The following ABTB3 variants were observed in gnomAD, a reference collection of about 807,000 sequenced individuals.
The protein encoded by ABTB3 is ankyrin repeat and BTB domain containing 3, also known as ankyrin repeat- and BTB/POZ domain-containing protein 3.
the ABTB3 span, among the ~76,000 whole-genome samples, chr12:107,464,632 G>T: frequency 6.6e-6 from 1 of 152,188 alleles, no homozygotes; most frequent in African/African-American, 2.4e-5. Flanking sequence ...TTGACCAGAG[G>T]CCTGAAAACA....
the ABTB3 span, among the ~76,000 whole-genome samples, chr12:107,581,601 C>T: frequency 6.6e-6 from 1 of 152,224 alleles, no homozygotes; most frequent in African/African-American, 2.4e-5. Flanking sequence ...CCCTCTCTTT[C>T]TCTCTCCTCC....
the ABTB3 span, among the ~76,000 whole-genome samples, chr12:107,629,943 C>T: frequency 2.0e-5 from 3 of 152,094 alleles, no homozygotes; most frequent in Admixed American, 1.3e-4. Flanking sequence ...TCACCTGATA[C>T]GAATGACACC....
At chr12:107,508,410 A>ATGTTAATTAAAATCTCAAAGATCATTTCT in the ABTB3 span, among the ~76,000 whole-genome samples, 10 of 118,332 alleles carry the variant, frequency 8.5e-5, no homozygotes, top group Admixed American at 5.9e-4. Context: ...CATTGCCATG[A>ATGTTAATTAAAATCTCAAAGATCATTTCT]TGTTAATTAA....
the ABTB3 span, chr12:107,610,419 C>T: frequency 6.3e-7 from 1 of 1,579,620 alleles, no homozygotes; most frequent in Admixed American, 1.7e-5. Flanking sequence ...CCTGGCAAGA[C>T]AGAGACAGCC....
chr12:107,657,546 G>C, the ABTB3 span: 11 of 1,614,048 alleles, frequency 6.8e-6, no homozygotes, highest in Middle Eastern at 4.9e-4. Flanking sequence ...TATTGCGAAG[G>C]CTACTTTCTC....
At chr12:107,536,189 C>G in the ABTB3 span, among the ~76,000 whole-genome samples, 1 of 151,944 alleles carries the variant, frequency 6.6e-6, no homozygotes. Context: ...ATATCCATAT[C>G]CAGAAGAATG....
At chr12:107,460,042 C>G in the ABTB3 span, among the ~76,000 whole-genome samples, 1 of 152,250 alleles carries the variant, frequency 6.6e-6, no homozygotes, top group Non-Finnish European at 1.5e-5. Flanking sequence ...TGCCCTGCTA[C>G]ATCAGTGTTC....
the ABTB3 span, among the ~76,000 whole-genome samples, chr12:107,350,533 G>A: frequency 4.0e-5 from 6 of 150,604 alleles, no homozygotes; most frequent in South Asian, 1.3e-3. Flanking sequence ...GCAATAGAGC[G>A]AGAGTCCGTC....
chr12:107,399,375 G>A, the ABTB3 span, among the ~76,000 whole-genome samples: 1 of 152,218 alleles, frequency 6.6e-6, no homozygotes, highest in Admixed American at 6.5e-5. Flanking sequence ...CCCAAGCAGG[G>A]GCACAGCACC....
At chr12:107,504,262 A>T in the ABTB3 span, among the ~76,000 whole-genome samples, 1 of 152,222 alleles carries the variant, frequency 6.6e-6, no homozygotes, top group Non-Finnish European at 1.5e-5. Flanking sequence ...ATCAGTGTGC[A>T]CATGCATGGC....
At chr12:107,595,925 A>T in the ABTB3 span, among the ~76,000 whole-genome samples, 1 of 152,070 alleles carries the variant, frequency 6.6e-6, no homozygotes, top group African/African-American at 2.4e-5. Context: ...TAGGTAATAT[A>T]TATAAGCATA....
the ABTB3 span, among the ~76,000 whole-genome samples, chr12:107,474,768 AAG>A: frequency 6.6e-6 from 1 of 152,002 alleles, no homozygotes; most frequent in African/African-American, 2.4e-5. Context: ...CTTGGTTCTT[AAG>A]GCAGCAGATG....
the ABTB3 span, among the ~76,000 whole-genome samples, chr12:107,375,422 AATCATCATCATCATCATCATC>A: frequency 4.8e-4 from 71 of 148,390 alleles, no homozygotes; most frequent in African/African-American, 1.6e-3. Context: ...TGGTGTCAGA[AATCATCATCATCATCATCATC>A]ATCATCATCA....
chr12:107,351,422 T>C, the ABTB3 span, among the ~76,000 whole-genome samples: 1 of 152,232 alleles, frequency 6.6e-6, no homozygotes, highest in Non-Finnish European at 1.5e-5. Context: ...TCCTTCTGCC[T>C]GCTGTGGCGG....
the ABTB3 span, among the ~76,000 whole-genome samples, chr12:107,353,880 A>T: frequency 6.6e-6 from 1 of 151,980 alleles, no homozygotes; most frequent in East Asian, 1.9e-4. Context: ...TCCTGAAACC[A>T]TTCCCTCCCC....
At chr12:107,583,185 G>T in the ABTB3 span, among the ~76,000 whole-genome samples, 1 of 152,144 alleles carries the variant, frequency 6.6e-6, no homozygotes, top group Non-Finnish European at 1.5e-5. Flanking sequence ...GATAATGAAC[G>T]TGCAGTATCC....
the ABTB3 span, among the ~76,000 whole-genome samples, chr12:107,548,688 T>C: frequency 3.9e-5 from 6 of 152,244 alleles, no homozygotes; most frequent in African/African-American, 1.4e-4. Flanking sequence ...ATATTTACGA[T>C]TAGGTGATAT....
chr12:107,570,594 CT>C, the ABTB3 span, among the ~76,000 whole-genome samples: 464 of 147,182 alleles, frequency 3.2e-3, 4 homozygotes, highest in African/African-American at 9.8e-3. Context: ...TCAGTCCATT[CT>C]TTTTTTTTTT....
At chr12:107,488,243 C>A in the ABTB3 span, among the ~76,000 whole-genome samples, 1 of 151,990 alleles carries the variant, frequency 6.6e-6, no homozygotes, top group South Asian at 2.1e-4. Flanking sequence ...TCTCTTCGTG[C>A]CTGGTGGGTG....
Sources: gnomAD v4.1 joint callset for allele counts (sites outside exome capture counted in the v4.1 genomes callset) on GRCh38, gnomAD v4.1.1 for gene constraint, MANE v1.5 for transcripts, NCBI Gene and HGNC (gene_info 2026-07-23, HGNC 2026-07-21) for gene names.